Variants in PTPN13 observed in about 807,000 individuals in gnomAD.
The protein encoded by PTPN13 is tyrosine-protein phosphatase non-receptor type 13.
In PTPN13, 191 loss-of-function variants were observed where a neutral mutation model predicts 284.0. The ratio of observed to expected loss-of-function variants is 0.67; its 90% CI spans 0.60 to 0.76. The LOEUF is 0.76. Ranked by LOEUF, PTPN13 falls within the 30% of genes least tolerant of loss-of-function variation. The probability of loss-of-function intolerance (pLI) is 0.00; values close to 1 mark genes in which losing one functional copy is unlikely to be tolerated. For synonymous variants in PTPN13, 986 were observed against 1,022.3 expected, an observed-to-expected ratio of 0.96 and a Z score of 0.68; for missense variants, 2,797 against 2,939.9, an observed-to-expected ratio of 0.95 and a Z score of 1.12.
At chr4:86,594,870 C>T (rs1390250889) in intron 1 of PTPN13, 81 bp downstream of exon 1, 2 of 152,450 alleles carry the variant, frequency 1.3e-5, no homozygotes, top group Non-Finnish European at 2.9e-5. Context: ...TTCTCTTCCT[C>T]CTCTCTCTGC....
rs1729502796 is a variant in PTPN13 at position 86,686,764 on chromosome 4, C to T, written c.349C>T (p.Pro117Ser). ...GTATTGGGGGGCTGATTATGAAGTGCCTCAGAGCCAAGTAAGTTAAGTTTT... is the reference window on the plus strand; with the variant it reads ...GTATTGGGGGGCTGATTATGAAGTGTCTCAGAGCCAAGTAAGTTAAGTTTT... ...TLYWGADYEV[P>S]QSQPIKLGDH... The change falls in exon 4 of 48, where the codon CCT becomes TCT. Residue 117 changes from proline to serine, a missense_variant. Transcript: ENST00000411767. 6.3e-7 allele frequency: 1 copy of T among 1,577,692 alleles called. No individual in the cohort carries two copies. Among genetic ancestry groups the T allele is most frequent in the Non-Finnish European group, 8.6e-7 (1 of 1,159,768 alleles).
At chr4:86,720,605 C>T (rs1448248259) in intron 9 of PTPN13, among the ~76,000 whole-genome samples, 1 of 152,106 alleles carries the variant, frequency 6.6e-6, no homozygotes, top group African/African-American at 2.4e-5. Context: ...AAAATACTGT[C>T]CAAATTCCTA....
Position 86,809,745 on chromosome 4 carries a change from A to G in PTPN13, c.7084-24A>G, listed in dbSNP as rs537744787. ...TGAACAATATAACATGTCATGATCC[A>G]CTTATTCTGTTATACAATTTCAGAC... is the stretch of plus-strand genomic sequence containing the variant. On this transcript the variant is annotated intron_variant, in intron 45 of 47. Transcript: ENST00000411767. The G allele has an allele frequency of 3.8e-6, 6 of 1,582,646 alleles. No homozygotes were observed. In the South Asian group the frequency reaches 6.6e-5, roughly 17 times the overall value.
intron 7 of PTPN13, among the ~76,000 whole-genome samples, chr4:86,710,507 G>C (rs1315623733): frequency 1.3e-5 from 2 of 152,096 alleles, no homozygotes; most frequent in Admixed American, 1.3e-4. Flanking sequence ...TTTATATAAG[G>C]CCAGAATATT....
chr4:86,629,002 C>A (rs1722164248), intron 1 of PTPN13, among the ~76,000 whole-genome samples: 1 of 151,866 alleles, frequency 6.6e-6, no homozygotes, highest in African/African-American at 2.4e-5. Context: ...ATTTATAGTC[C>A]TTTGGGTATA....
At chr4:86,612,590 G>A (rs1720023902) in intron 1 of PTPN13, among the ~76,000 whole-genome samples, 1 of 152,178 alleles carries the variant, frequency 6.6e-6, no homozygotes, top group East Asian at 1.9e-4. Flanking sequence ...TGAACACAAA[G>A]CATAGGAAAC....
At chr4:86,742,051 A>G (rs1177848283) in intron 16 of PTPN13, among the ~76,000 whole-genome samples, 3 of 152,226 alleles carry the variant, frequency 2.0e-5, no homozygotes, top group Non-Finnish European at 4.4e-5. Context: ...TATATGCTCA[A>G]TTAACTTTAG....
intron 30 of PTPN13, 74 bp from the exon 31 acceptor site, chr4:86,771,097 A>G (rs1739944277): frequency 6.9e-7 from 1 of 1,444,554 alleles, no homozygotes; most frequent in Non-Finnish European, 9.2e-7. Flanking sequence ...AAGTTGTTCA[A>G]TGGTTTATTT....
At position 86,736,724 on chromosome 4, in the gene PTPN13, A is replaced by T. The variant is rs572322868; in HGVS notation, c.2304+978A>T. Among the ~76,000 whole-genome samples the T allele has an allele frequency of 2.6e-5, 4 of 152,356 alleles. No individual in the cohort carries two copies. The South Asian group carries it at 8.3e-4, about 32-fold the overall frequency. On this transcript the variant is annotated intron_variant, in intron 15 of 47. Coordinates refer to ENST00000411767, the MANE Select transcript of PTPN13 (RefSeq NM_080683.3). ...CACAGTGAAAAGAATTTGCATGAGG[A>T]TTTGCAGACAGACAGTCTTGCATTT...
At chr4:86,603,878 T>C (rs745852737) in intron 1 of PTPN13, among the ~76,000 whole-genome samples, 4 of 152,094 alleles carry the variant, frequency 2.6e-5, no homozygotes, top group African/African-American at 7.2e-5. Flanking sequence ...TTCATGGCCA[T>C]TAAGATCATT....
At chr4:86,780,303 G>T in intron 35 of PTPN13, 99 bp from the exon 36 acceptor site, 1 of 924,418 alleles carries the variant, frequency 1.1e-6, no homozygotes, top group Non-Finnish European at 1.7e-6. Flanking sequence ...GGGAGGCTGA[G>T]GTGGGAGCAT....
chr4:86,775,759 AC>A, intron 35 of PTPN13, 107 bp downstream of exon 35: 2 of 923,434 alleles, frequency 2.2e-6, no homozygotes, highest in Non-Finnish European at 3.2e-6. Flanking sequence ...TAATTCATAG[AC>A]TAAATTGGCA....
In PTPN13 at chr4:86,780,482, T is replaced by C. The variant is rs753695167; in HGVS notation, c.5962+10T>C. The C allele has an allele frequency of 3.2e-6, 5 of 1,569,756 alleles. No homozygotes were observed. The East Asian group carries it at 1.1e-4, about 35-fold the overall frequency. ...TCAACCAAAGGCAATGGTAAGGATA[T>C]ATTCATTTTACTGTACTCTCCTACG... On this transcript the variant is annotated intron_variant, in intron 36 of 47. Transcript: ENST00000411767.
At chr4:86,632,779 T>C (rs1254880733) in intron 1 of PTPN13, among the ~76,000 whole-genome samples, 1 of 151,968 alleles carries the variant, frequency 6.6e-6, no homozygotes, top group Non-Finnish European at 1.5e-5. Context: ...CGAGATATAC[T>C]TCACATACAA....
chr4:86,620,609 T>C (rs1721107760), intron 1 of PTPN13, among the ~76,000 whole-genome samples: 1 of 152,242 alleles, frequency 6.6e-6, no homozygotes, highest in Non-Finnish European at 1.5e-5. Flanking sequence ...TAGAACATCA[T>C]GTCTAAATAG....
At chr4:86,608,571 T>C (rs1409599787) in intron 1 of PTPN13, among the ~76,000 whole-genome samples, 4 of 152,108 alleles carry the variant, frequency 2.6e-5, no homozygotes, top group Non-Finnish European at 5.9e-5. Flanking sequence ...AAAATAACTT[T>C]ATGGTAAATA....
intron 16 of PTPN13, among the ~76,000 whole-genome samples, chr4:86,742,968 A>G (rs991642187): frequency 6.6e-6 from 1 of 152,328 alleles, no homozygotes; most frequent in Non-Finnish European, 1.5e-5. Flanking sequence ...AATAGTTTGC[A>G]TTCCCATGGA....
intron 3 of PTPN13, among the ~76,000 whole-genome samples, chr4:86,682,054 C>G (rs1177454881): frequency 1.3e-5 from 2 of 152,108 alleles, no homozygotes; most frequent in Non-Finnish European, 2.9e-5. Flanking sequence ...ATAATAATAT[C>G]TATTAGCTTA....
intron 10 of PTPN13, among the ~76,000 whole-genome samples, chr4:86,723,571 C>G (rs1008413302): frequency 5.9e-5 from 9 of 152,188 alleles, no homozygotes; most frequent in Admixed American, 5.9e-4. Flanking sequence ...TAACTCATTG[C>G]AGATAACTTT....
Sources: gnomAD v4.1 joint callset for allele counts (sites outside exome capture counted in the v4.1 genomes callset) on GRCh38, gnomAD v4.1.1 for gene constraint, MANE v1.5 for transcripts, NCBI Gene and HGNC (gene_info 2026-07-23, HGNC 2026-07-21) for gene names.